The following ZNF385D variants were observed in gnomAD, a reference collection of about 807,000 sequenced individuals.
ZNF385D encodes the protein zinc finger protein 385D.
ZNF385D carries 15 observed loss-of-function variants against 35.8 expected under a neutral mutation model. That is an observed-to-expected ratio of 0.42 (90% confidence interval 0.28 to 0.64). The LOEUF (loss-of-function observed/expected upper bound fraction) is 0.64. Among genes scored for constraint, ZNF385D ranks in the 30% least tolerant of loss-of-function variants. The probability of loss-of-function intolerance (pLI) is 0.23; values close to 1 mark genes in which losing one functional copy is unlikely to be tolerated. For missense variants in ZNF385D, 474 were observed against 494.6 expected, an observed-to-expected ratio of 0.96 and a Z score of 0.39; for synonymous variants, 212 against 186.8, an observed-to-expected ratio of 1.13 and a Z score of -1.10.
At chr3:21,700,123 A>G (rs66491866) in intron 1 of ZNF385D, among the ~76,000 whole-genome samples, 15,163 of 152,094 alleles carry the variant, frequency 0.1, 967 homozygotes, top group African/African-American at 0.17. Context: ...GGCATGAGCC[A>G]CTGCTCTCAG....
rs1016961462 is a variant in ZNF385D, at chr3:21,836,119, A to T, written c.326-171091T>A. ...ACTTTTAATTGCAGATTATGGAAGC[A>T]AATTTTGGGGAAAAAAAGTTATTTT... On this transcript the variant is annotated intron_variant, in intron 3 of 5. Coordinates refer to the ZNF385D transcript ENST00000494108. Among the ~76,000 whole-genome samples, 6 of 152,058 alleles carry T rather than the reference A, an allele frequency of 3.9e-5. No individual in the cohort carries two copies. In the East Asian group the frequency reaches 1.2e-3, roughly 29 times the overall value.
chr3:21,793,913 T>C (rs562004434), intron 3 of ZNF385D, among the ~76,000 whole-genome samples: 11 of 152,218 alleles, frequency 7.2e-5, no homozygotes, highest in Non-Finnish European at 1.5e-4. Flanking sequence ...AACTGTCAAA[T>C]GATGAACAGT....
intron 1 of ZNF385D, among the ~76,000 whole-genome samples, chr3:21,744,289 C>T (rs1024227699): frequency 1.3e-5 from 2 of 152,162 alleles, no homozygotes; most frequent in East Asian, 3.9e-4. Flanking sequence ...TGTAAGGGAT[C>T]ATGTTTATTA....
chr3:21,522,699 G>C (rs1707986281), intron 3 of ZNF385D, among the ~76,000 whole-genome samples: 1 of 152,186 alleles, frequency 6.6e-6, no homozygotes, highest in Non-Finnish European at 1.5e-5. Flanking sequence ...CTCTTGGAGG[G>C]AGGGAGGGTA....
intron 2 of ZNF385D, among the ~76,000 whole-genome samples, chr3:22,179,874 G>T (rs1292313777): frequency 6.6e-6 from 1 of 152,108 alleles, no homozygotes; most frequent in Non-Finnish European, 1.5e-5. Flanking sequence ...ACAATTAAAA[G>T]AACTAGAGAA....
chr3:21,552,686 T>C (rs1394572088), intron 3 of ZNF385D, among the ~76,000 whole-genome samples: 2 of 152,208 alleles, frequency 1.3e-5, no homozygotes, highest in African/African-American at 4.8e-5. Context: ...CAATGAGTTA[T>C]TTGATAGGGT....
intron 3 of ZNF385D, among the ~76,000 whole-genome samples, chr3:21,857,419 T>C (rs1321119953): frequency 1.3e-5 from 2 of 151,976 alleles, no homozygotes; most frequent in South Asian, 2.1e-4. Context: ...TCTATTTAAG[T>C]AGTTTTAAGA....
chr3:22,199,622 A>T (rs11917225), intron 2 of ZNF385D, among the ~76,000 whole-genome samples: 144 of 152,224 alleles, frequency 9.5e-4, no homozygotes, highest in African/African-American at 3.2e-3. Flanking sequence ...CTGGAGGAGA[A>T]CTGTGCTAAT....
At chr3:21,678,705 C>T (rs2066806237) in intron 1 of ZNF385D, among the ~76,000 whole-genome samples, 1 of 152,006 alleles carries the variant, frequency 6.6e-6, no homozygotes, top group African/African-American at 2.4e-5. Context: ...AGCAGGAATG[C>T]CTGCTGAGAG....
At chr3:22,000,736 G>A (rs530060292) in intron 3 of ZNF385D, among the ~76,000 whole-genome samples, 4 of 147,174 alleles carry the variant, frequency 2.7e-5, no homozygotes, top group Admixed American at 1.4e-4. Flanking sequence ...GGAGAGAATG[G>A]GATAATAAAT....
intron 5 of ZNF385D, among the ~76,000 whole-genome samples, chr3:21,432,131 T>C (rs2125219984): frequency 6.6e-6 from 1 of 152,278 alleles, no homozygotes; most frequent in Middle Eastern, 3.4e-3. Context: ...CTGTGTGAGC[T>C]TAGGTTTCTT....
chr3:21,522,692 T>C (rs900679716), intron 3 of ZNF385D, among the ~76,000 whole-genome samples: 1 of 152,092 alleles, frequency 6.6e-6, no homozygotes, highest in African/African-American at 2.4e-5. Flanking sequence ...AGATTAACTC[T>C]TGGAGGGAGG....
intron 2 of ZNF385D, among the ~76,000 whole-genome samples, chr3:21,625,081 A>G (rs1379416825): frequency 6.6e-6 from 1 of 152,134 alleles, no homozygotes; most frequent in East Asian, 1.9e-4. Flanking sequence ...ACAATGTAAC[A>G]AGATAGATCA....
intron 3 of ZNF385D, chr3:22,134,114 A>C (rs914749635): frequency 6.6e-6 from 1 of 152,166 alleles, no homozygotes; most frequent in Non-Finnish European, 1.5e-5. Context: ...TAAATTGCCT[A>C]AATACACCAA....
chr3:22,049,948 C>T (rs1699243738), intron 3 of ZNF385D, among the ~76,000 whole-genome samples: 1 of 152,030 alleles, frequency 6.6e-6, no homozygotes. Flanking sequence ...GGAATAATGG[C>T]CATAGTTTTC....
intron 2 of ZNF385D, among the ~76,000 whole-genome samples, chr3:21,614,778 G>A (rs963349286): frequency 6.6e-5 from 10 of 152,250 alleles, no homozygotes; most frequent in Middle Eastern, 3.4e-3. Context: ...TAGTAGAGTC[G>A]GGGTTTTACC....
chr3:22,214,456 C>T (rs1697728081), intron 2 of ZNF385D, among the ~76,000 whole-genome samples: 1 of 152,078 alleles, frequency 6.6e-6, no homozygotes. Flanking sequence ...AGAGAGATAA[C>T]CTTAAACTCT....
chr3:21,574,100 AAG>A (rs2063420513), intron 2 of ZNF385D, among the ~76,000 whole-genome samples: 1 of 151,960 alleles, frequency 6.6e-6, no homozygotes, highest in South Asian at 2.1e-4. Context: ...GAAAGAAAGA[AAG>A]AATGTATCTA....
At chr3:21,886,942 G>A (rs974577103) in intron 3 of ZNF385D, among the ~76,000 whole-genome samples, 8 of 152,046 alleles carry the variant, frequency 5.3e-5, no homozygotes, top group African/African-American at 9.7e-5. Flanking sequence ...TGACTAGAAC[G>A]TCTGCCACTC....
Sources: allele counts gnomAD v4.1 joint callset (sites outside exome capture counted in the v4.1 genomes callset), GRCh38; gene constraint gnomAD v4.1.1; transcripts MANE v1.5; gene names NCBI Gene and HGNC (gene_info 2026-07-23, HGNC 2026-07-21).